SRGAP1: variants seen among roughly 807,000 people sequenced by gnomAD.
The protein encoded by SRGAP1 is SLIT-ROBO Rho GTPase-activating protein 1.
SRGAP1 carries 43 observed loss-of-function variants against 121.9 expected under a neutral mutation model. The observed-to-expected ratio is 0.35, with a 90% CI of 0.28 to 0.46. SRGAP1 has a LOEUF of 0.46. Among genes scored for constraint, SRGAP1 ranks in the 20% least tolerant of loss-of-function variants. The probability of loss-of-function intolerance (pLI) is 1.00; values close to 1 mark genes in which losing one functional copy is unlikely to be tolerated. For missense variants in SRGAP1, 1,102 were observed against 1,350.9 expected, an observed-to-expected ratio of 0.82 and a Z score of 2.89; for synonymous variants, 447 against 485.4, an observed-to-expected ratio of 0.92 and a Z score of 1.04.
chr12:64,115,025 A>T (rs2036495205), intron 17 of SRGAP1, among the ~76,000 whole-genome samples: 1 of 152,212 alleles, frequency 6.6e-6, no homozygotes, highest in Admixed American at 6.5e-5. Flanking sequence ...TTAAGGGATA[A>T]GTTTTAAAAG....
In SRGAP1 at chr12:64,112,799, A is replaced by G. The variant is rs80248161; in HGVS notation, c.2144+813A>G. On this transcript the variant is annotated intron_variant, in intron 17 of 21. Coordinates refer to ENST00000355086, the MANE Select transcript of SRGAP1 (RefSeq NM_020762.4). ...TGAAATAAGCCAGGCGGGAAAGACA[A>G]ATATCACATGTTCTTACTCATATAT... Among the ~76,000 whole-genome samples the G allele has an allele frequency of 1.2e-3, 186 of 152,332 alleles. 3 individuals carry two copies. The East Asian group carries it at 0.031, about 26-fold the overall frequency.
chr12:64,142,598 C>T lies in SRGAP1; in HGVS notation c.3184C>T (p.Leu1062Phe). Residue 1062 changes from leucine (L) to phenylalanine (F), a missense_variant, in exon 22 of 22, where the codon CTT becomes TTT. Physicochemically the swap from Leu to Phe is conservative, Grantham distance 22. Around this residue, in one of 3 missense-constraint regions of SRGAP1, gnomAD observed 315 missense variants for 343.1 expected, o/e 0.92. Transcript: ENST00000355086. ...AGCCCTTAGGCCAAAACCTGCTGTTCTTCCAAAAACAAATCCTACCATAGG... is the reference window on the plus strand; with the variant it reads ...AGCCCTTAGGCCAAAACCTGCTGTTTTTCCAAAAACAAATCCTACCATAGG... ...PPALRPKPAV[L>F]PKTNPTIGPA... The T allele has an allele frequency of 6.2e-7, 1 of 1,614,194 alleles. No homozygotes were observed. The highest frequency in any genetic ancestry group is 8.5e-7 in the Non-Finnish European group (1 of 1,180,032).
At chr12:63,946,280 CTTCTTTTTTT>C (rs1253852688) in intron 1 of SRGAP1, among the ~76,000 whole-genome samples, 4 of 149,502 alleles carry the variant, frequency 2.7e-5, no homozygotes, top group South Asian at 4.2e-4. Context: ...TTATGAATGG[CTTCTTTTTTT>C]TTCTTTTTTT....
intron 15 of SRGAP1, among the ~76,000 whole-genome samples, chr12:64,108,565 G>A (rs941844038): frequency 5.3e-5 from 8 of 152,142 alleles, no homozygotes; most frequent in Admixed American, 1.3e-4. Context: ...ATAACAGTTC[G>A]GGGAGAGGTG....
Position 64,111,981 on chromosome 12 carries a change from C to G in SRGAP1, c.2139C>G (p.Asp713Glu), listed in dbSNP as rs775853547. Reference protein sequence around the residue: ...PVYEKCMAGDDYCDSPYSEHG... With the variant: ...PVYEKCMAGDEYCDSPYSEHG... The stretch of plus-strand genomic sequence containing the variant: ...ATGAGAAATGTATGGCTGGAGATGA[C>G]TATTGGTAAGTCTAAGAATTTTAGT... The change falls in exon 17 of 22, where the codon GAC (aspartate) becomes GAG (glutamate). Residue 713 changes from aspartate (D) to glutamate (E), a missense_variant. Coordinates refer to ENST00000355086, the MANE Select transcript of SRGAP1 (RefSeq NM_020762.4). 2 of 1,612,532 alleles carry G rather than the reference C, an allele frequency of 1.2e-6. No individual in the cohort carries two copies. The highest frequency in any genetic ancestry group is 2.2e-5 in the South Asian group (2 of 90,888).
At chr12:64,137,470 A>C (rs2036874196) in intron 21 of SRGAP1, among the ~76,000 whole-genome samples, 2 of 152,150 alleles carry the variant, frequency 1.3e-5, no homozygotes, top group Non-Finnish European at 2.9e-5. Flanking sequence ...TTCCATCTTT[A>C]GCCTTCAGAT....
intron 15 of SRGAP1, among the ~76,000 whole-genome samples, chr12:64,097,909 C>T (rs923020620): frequency 5.3e-5 from 8 of 152,030 alleles, no homozygotes; most frequent in Non-Finnish European, 7.4e-5. Context: ...ATTATGAAAC[C>T]GATAATCATT....
intron 1 of SRGAP1, among the ~76,000 whole-genome samples, chr12:63,969,511 C>T (rs192371480): frequency 2.8e-4 from 42 of 152,160 alleles, no homozygotes; most frequent in Admixed American, 2.7e-3. Context: ...TCTGAAACAT[C>T]GGCCAGGCAC....
At chr12:63,901,094 A>C (rs992670536) in intron 1 of SRGAP1, among the ~76,000 whole-genome samples, 1 of 151,656 alleles carries the variant, frequency 6.6e-6, no homozygotes, top group Admixed American at 6.6e-5. Flanking sequence ...GGAAACACTT[A>C]TTTACTATGT....
Position 64,054,058 on chromosome 12 carries a change from AG to A in SRGAP1, c.802-8858del, listed in dbSNP as rs1177132550. On this transcript the variant is annotated intron_variant, in intron 6 of 21. Coordinates refer to ENST00000355086, the MANE Select transcript of SRGAP1 (RefSeq NM_020762.4). ...CTTCAAAATGTATTCAGAGAAACTC[AG>A]TCCTCAACAATAAAATTCTATCCGT... Among the ~76,000 whole-genome samples the A allele has an allele frequency of 3.9e-4, 59 of 152,318 alleles. No homozygotes were observed. In the East Asian group the frequency reaches 0.01, roughly 26 times the overall value.
At chr12:63,886,991 A>G (rs946461252) in intron 1 of SRGAP1, among the ~76,000 whole-genome samples, 3 of 152,108 alleles carry the variant, frequency 2.0e-5, no homozygotes, top group African/African-American at 7.2e-5. Flanking sequence ...CTTCTGCTTC[A>G]GTCTACCAAG....
intron 21 of SRGAP1, among the ~76,000 whole-genome samples, chr12:64,133,738 G>A (rs1388360355): frequency 6.6e-6 from 1 of 152,168 alleles, no homozygotes; most frequent in Non-Finnish European, 1.5e-5. Flanking sequence ...TGATTGAGGG[G>A]CCATGATTCT....
At chr12:64,099,506 C>T (rs1239824933) in intron 15 of SRGAP1, among the ~76,000 whole-genome samples, 1 of 152,168 alleles carries the variant, frequency 6.6e-6, no homozygotes, top group Non-Finnish European at 1.5e-5. Context: ...TGCCTAGAGT[C>T]TTGGCTCCAG....
chr12:64,059,639 TCATTAACGCA>T (rs1416503932), intron 6 of SRGAP1, among the ~76,000 whole-genome samples: 1 of 152,198 alleles, frequency 6.6e-6, no homozygotes, highest in Non-Finnish European at 1.5e-5. Context: ...ATTTGTGTTT[TCATTAACGCA>T]AATTTCCTAT....
At chr12:64,086,334 C>T (rs2035938764) in intron 10 of SRGAP1, among the ~76,000 whole-genome samples, 1 of 152,168 alleles carries the variant, frequency 6.6e-6, no homozygotes, top group African/African-American at 2.4e-5. Context: ...TACAAAAATT[C>T]AGCCCTGTTA....
At chr12:64,108,867 C>G in intron 15 of SRGAP1, 65 bp from the exon 16 acceptor site, 1 of 1,133,936 alleles carries the variant, frequency 8.8e-7, no homozygotes, top group Non-Finnish European at 1.3e-6. Flanking sequence ...AATACATGTA[C>G]TGCAGTGTTC....
intron 3 of SRGAP1, among the ~76,000 whole-genome samples, chr12:63,997,626 C>G (rs1450699146): frequency 6.6e-6 from 1 of 152,042 alleles, no homozygotes; most frequent in Admixed American, 6.6e-5. Context: ...ATAAAACACA[C>G]AATAAAACAG....
intron 1 of SRGAP1, among the ~76,000 whole-genome samples, chr12:63,903,029 A>G (rs539389245): frequency 6.6e-6 from 1 of 152,242 alleles, no homozygotes; most frequent in Admixed American, 6.5e-5. Flanking sequence ...TTTTACAGGT[A>G]CTGTATGTCT....
intron 4 of SRGAP1, among the ~76,000 whole-genome samples, chr12:64,027,857 G>C (rs796896999): frequency 1.6e-4 from 24 of 151,600 alleles, no homozygotes; most frequent in African/African-American, 5.6e-4. Context: ...AAAAGAAAAC[G>C]ATTCCATAGC....
Sources: allele counts gnomAD v4.1 joint callset (sites outside exome capture counted in the v4.1 genomes callset), GRCh38; gene constraint gnomAD v4.1.1; regional missense constraint gnomAD v4.1.1; transcripts MANE v1.5; gene names NCBI Gene and HGNC (gene_info 2026-07-23, HGNC 2026-07-21).